BCAR3: variants seen among roughly 807,000 people sequenced by gnomAD.
BCAR3 encodes the protein breast cancer anti-estrogen resistance protein 3.
Under a neutral mutation model 80.1 loss-of-function variants are expected in BCAR3, and 37 were observed. The ratio of observed to expected loss-of-function variants is 0.46; its 90% CI spans 0.36 to 0.61. BCAR3 has a LOEUF of 0.61. Ranked by LOEUF, BCAR3 falls within the 20% of genes least tolerant of loss-of-function variation. The pLI is 0.00. For synonymous variants in BCAR3, 389 were observed against 418.9 expected (o/e 0.93, Z 0.87); for missense variants, 978 against 1,068.2 (o/e 0.92, Z 1.18).
intron 2 of BCAR3, among the ~76,000 whole-genome samples, chr1:93,814,723 C>T (rs935246439): frequency 3.3e-5 from 5 of 152,232 alleles, no homozygotes; most frequent in Admixed American, 6.5e-5. Context: ...CAGCTGCTCC[C>T]AGGCTGATGA....
chr1:93,617,544 G>T (rs1303216862), intron 3 of BCAR3, among the ~76,000 whole-genome samples: 1 of 152,214 alleles, frequency 6.6e-6, no homozygotes, highest in African/African-American at 2.4e-5. Flanking sequence ...AGGGACATCG[G>T]TCAGGGGTGA....
upstream of BCAR3, among the ~76,000 whole-genome samples, chr1:93,685,684 T>C (rs1513482): frequency 0.024 from 3,658 of 152,324 alleles, 138 homozygotes; most frequent in African/African-American, 0.082. Context: ...TATGCATTTG[T>C]AATTTTGATA....
chr1:93,575,551 A>C (rs1169251535), intron 8 of BCAR3, among the ~76,000 whole-genome samples: 1 of 152,056 alleles, frequency 6.6e-6, no homozygotes, highest in African/African-American at 2.4e-5. Context: ...CCTCAAAGAA[A>C]ACACTGTCTA....
chr1:93,701,470 A>G (rs1382110563), intron 3 of BCAR3, among the ~76,000 whole-genome samples: 1 of 152,234 alleles, frequency 6.6e-6, no homozygotes, highest in African/African-American at 2.4e-5. Context: ...GAAAAGCCCT[A>G]AAGATGCCTG....
chr1:93,765,812 G>A (rs530810978), intron 2 of BCAR3, among the ~76,000 whole-genome samples: 356 of 151,784 alleles, frequency 2.3e-3, no homozygotes, highest in African/African-American at 7.3e-3. Context: ...GACTATAGGC[G>A]CCCACCACCA....
At chr1:93,812,478 C>T (rs1571144861) in intron 2 of BCAR3, among the ~76,000 whole-genome samples, 1 of 152,216 alleles carries the variant, frequency 6.6e-6, no homozygotes, top group Admixed American at 6.5e-5. Flanking sequence ...GGCACTCAGG[C>T]CCTTCAACTG....
At chr1:93,692,567 C>T (rs1315781206) in intron 3 of BCAR3, among the ~76,000 whole-genome samples, 1 of 152,218 alleles carries the variant, frequency 6.6e-6, no homozygotes, top group Non-Finnish European at 1.5e-5. Flanking sequence ...ATCCTTTCAG[C>T]AACCTAGAGA....
intron 2 of BCAR3, among the ~76,000 whole-genome samples, chr1:93,763,373 T>TA (rs1288205169): frequency 3.9e-4 from 59 of 152,328 alleles, no homozygotes; most frequent in Non-Finnish European, 1.3e-4. Flanking sequence ...TGCTAACACT[T>TA]ACTGTTGAAT....
intron 2 of BCAR3, among the ~76,000 whole-genome samples, chr1:93,743,409 G>A (rs1651247731): frequency 6.6e-6 from 1 of 152,186 alleles, no homozygotes; most frequent in Non-Finnish European, 1.5e-5. Context: ...CAGAGCTTAA[G>A]AGTCCTGTAA....
At chr1:93,696,213 A>G (rs1217889029) in intron 3 of BCAR3, among the ~76,000 whole-genome samples, 2 of 152,164 alleles carry the variant, frequency 1.3e-5, no homozygotes, top group Middle Eastern at 3.4e-3. Context: ...TCTTTAGCTT[A>G]GTTTTCACAT....
rs1303156732 is a variant in BCAR3, at chr1:93,586,227, C to T, written c.930-2106G>A. Among the ~76,000 whole-genome samples the T allele has an allele frequency of 6.6e-6, 1 of 151,920 alleles. No homozygotes were observed. Among genetic ancestry groups the T allele is most frequent in the Non-Finnish European group, 1.5e-5 (1 of 67,964 alleles). ...CACCCACTACTACCCTTCCCAGGCT[C>T]TGCTAACCATCCTTCTACTCTCTGT... On this transcript the variant is annotated intron_variant, in intron 5 of 11. Transcript: ENST00000260502. This position sits in a 1 kb window ranked among gnomAD's most constrained non-coding sequence, Gnocchi z 4.2.
intron 2 of BCAR3, among the ~76,000 whole-genome samples, chr1:93,728,576 C>G (rs529487469): frequency 6.6e-6 from 1 of 152,304 alleles, no homozygotes; most frequent in African/African-American, 2.4e-5. Context: ...TAGCTCTCAG[C>G]AGATGGGGAA....
intron 2 of BCAR3, among the ~76,000 whole-genome samples, chr1:93,810,655 C>T (rs755149758): frequency 3.9e-5 from 6 of 152,152 alleles, no homozygotes; most frequent in South Asian, 2.1e-4. Flanking sequence ...AGACACCAGG[C>T]GAACTAAGGT....
intron 2 of BCAR3, among the ~76,000 whole-genome samples, chr1:93,642,784 T>G (rs774799094): frequency 6.6e-6 from 1 of 152,026 alleles, no homozygotes; most frequent in African/African-American, 2.4e-5. Flanking sequence ...AGAGAGAGGC[T>G]TAGGTGGGTG....
In BCAR3 at chr1:93,729,108, A is replaced by G. The variant is rs180847245; in HGVS notation, c.-62-22966T>C. 5.9e-5 allele frequency among the ~76,000 whole-genome samples: 9 copies of G among 152,306 alleles called. No individual in the cohort carries two copies. In the East Asian group the frequency reaches 1.7e-3, roughly 29 times the overall value. On this transcript the variant is annotated intron_variant, in intron 2 of 13. Coordinates refer to the BCAR3 transcript ENST00000370244. ...CAAATTCCCCAGGAAATACATTCTG[A>G]GGCAGAGATTTTCATGTAGGCAGTT...
chr1:93,739,046 C>T (rs1651091869), intron 2 of BCAR3, among the ~76,000 whole-genome samples: 1 of 152,168 alleles, frequency 6.6e-6, no homozygotes, highest in Non-Finnish European at 1.5e-5. Context: ...GAATTCCCAC[C>T]TTGACTTGCT....
intron 3 of BCAR3, among the ~76,000 whole-genome samples, chr1:93,700,017 G>A (rs1440761853): frequency 6.6e-6 from 1 of 152,020 alleles, no homozygotes; most frequent in African/African-American, 2.4e-5. Flanking sequence ...GGGAGGTGAG[G>A]GACTTGCCTG....
intron 2 of BCAR3, among the ~76,000 whole-genome samples, chr1:93,806,257 G>A (rs1653649173): frequency 6.6e-6 from 1 of 152,198 alleles, no homozygotes; most frequent in African/African-American, 2.4e-5. Context: ...CATAAACACA[G>A]GAGCCATACA....
Position 93,844,273 on chromosome 1 carries a change from C to T in BCAR3, c.-63+1294G>A, listed in dbSNP as rs1420619171. 2.0e-5 allele frequency among the ~76,000 whole-genome samples: 3 copies of T among 152,194 alleles called. 1 individual carries two copies. The highest frequency in any genetic ancestry group is 4.1e-4 in the South Asian group (2 of 4,822). On this transcript the variant is annotated intron_variant, in intron 2 of 13. Coordinates refer to the BCAR3 transcript ENST00000370244. ...AGTGAGCCAAGATCATGCCATTGCA[C>T]TCCAGCCTGGGTGATAGAGTGAGAC...
Sources: gnomAD v4.1 joint callset for allele counts (sites outside exome capture counted in the v4.1 genomes callset) on GRCh38, gnomAD v4.1.1 for gene constraint, Gnocchi (gnomAD v3.1) non-coding constraint, MANE v1.5 for transcripts, NCBI Gene and HGNC (gene_info 2026-07-23, HGNC 2026-07-21) for gene names.